SUSD1: variants seen among roughly 807,000 people sequenced by gnomAD.
SUSD1 encodes sushi domain containing 1, also known as sushi domain-containing protein 1.
SUSD1 carries 65 observed loss-of-function variants against 86.9 expected under a neutral mutation model. The observed-to-expected ratio is 0.75, with a 90% CI of 0.61 to 0.92. The LOEUF (loss-of-function observed/expected upper bound fraction) is 0.92. Ranked by LOEUF, SUSD1 falls within the 40% of genes least tolerant of loss-of-function variation. SUSD1 has a pLI of 0.00. For synonymous variants in SUSD1, 346 were observed against 350.0 expected (o/e 0.99, Z 0.13); for missense variants, 850 against 929.7 (o/e 0.91, Z 1.11).
chr9:112,099,015 TTCTCTCTCTCTC>T (rs58040511), intron 9 of SUSD1, among the ~76,000 whole-genome samples: 1,861 of 145,784 alleles, frequency 0.013, 23 homozygotes, highest in African/African-American at 0.031. Flanking sequence ...GAATACTTCG[TTCTCTCTCTCTC>T]TCTCTCTCTC....
At chr9:112,058,321 T>G in intron 14 of SUSD1, 107 bp downstream of exon 14, 1 of 1,364,894 alleles carries the variant, frequency 7.3e-7, no homozygotes, top group Middle Eastern at 2.6e-4. Context: ...TTTGTGATTG[T>G]TACATGCAGT....
intron 10 of SUSD1, among the ~76,000 whole-genome samples, chr9:112,093,328 T>C (rs1235183930): frequency 1.3e-5 from 2 of 152,198 alleles, no homozygotes; most frequent in East Asian, 1.9e-4. Context: ...AAAGGCAGAC[T>C]TGCTCTCTGG....
rs1261004456 is a variant in SUSD1, at chr9:112,113,078, G to C, written c.887-210C>G. 1.3e-5 allele frequency among the ~76,000 whole-genome samples: 2 copies of C among 152,138 alleles called. No individual in the cohort carries two copies. The highest frequency in any genetic ancestry group is 4.8e-5 in the African/African-American group (2 of 41,424). On this transcript the variant is annotated intron_variant, in intron 6 of 16. Coordinates refer to ENST00000374270, the MANE Select transcript of SUSD1 (RefSeq NM_022486.5). This position sits in a 1 kb window ranked among gnomAD's most constrained non-coding sequence, Gnocchi z 4.1. ...TGAGCGTGGCCCATTACCTGACTTA[G>C]AGGGAAAGGAAAGATTCCAGCTTGG...
intron 5 of SUSD1, among the ~76,000 whole-genome samples, chr9:112,127,652 T>G (rs552255539): frequency 6.6e-6 from 1 of 152,308 alleles, no homozygotes; most frequent in South Asian, 2.1e-4. Flanking sequence ...GTGAACAAAG[T>G]GGGTAAGATT....
At chr9:112,095,682 G>A (rs574323748) in intron 10 of SUSD1, among the ~76,000 whole-genome samples, 1 of 152,202 alleles carries the variant, frequency 6.6e-6, no homozygotes, top group Non-Finnish European at 1.5e-5. Context: ...AATAATAGGA[G>A]CCTGTGGAGT....
At chr9:112,063,507 A>C in intron 12 of SUSD1, among the ~76,000 whole-genome samples, 1 of 152,224 alleles carries the variant, frequency 6.6e-6, no homozygotes, top group East Asian at 1.9e-4. Context: ...CAGAGGATAG[A>C]TGTGGTGAGT....
chr9:112,151,339 G>C, intron 2 of SUSD1, among the ~76,000 whole-genome samples: 1 of 152,106 alleles, frequency 6.6e-6, no homozygotes, highest in East Asian at 1.9e-4. Context: ...GTTCACACCT[G>C]TAATCCCAGA....
chr9:112,055,945 C>A (rs1373388191), intron 14 of SUSD1, among the ~76,000 whole-genome samples: 1 of 152,022 alleles, frequency 6.6e-6, no homozygotes, highest in African/African-American at 2.4e-5. Flanking sequence ...TATGAGGTAC[C>A]TAGAGTAGTC....
chr9:112,087,411 C>T (rs1830030846), intron 10 of SUSD1, among the ~76,000 whole-genome samples: 2 of 152,058 alleles, frequency 1.3e-5, no homozygotes, highest in East Asian at 1.9e-4. Context: ...TAACTCTTGA[C>T]CTCAAGTGAT....
At chr9:112,166,284 CG>C (rs1415580466) in intron 1 of SUSD1, among the ~76,000 whole-genome samples, 2 of 152,182 alleles carry the variant, frequency 1.3e-5, no homozygotes, top group Non-Finnish European at 2.9e-5. Flanking sequence ...CACCTGGAGA[CG>C]GAGTGACTAA....
At chr9:112,061,294 C>T (rs1828713921) in intron 13 of SUSD1, among the ~76,000 whole-genome samples, 1 of 152,148 alleles carries the variant, frequency 6.6e-6, no homozygotes, top group South Asian at 2.1e-4. Flanking sequence ...AAAGCTGCTG[C>T]CCCCCAGCTC....
intron 2 of SUSD1, among the ~76,000 whole-genome samples, chr9:112,150,002 G>T (rs1468156118): frequency 6.6e-6 from 1 of 152,188 alleles, no homozygotes; most frequent in African/African-American, 2.4e-5. Flanking sequence ...CCAGAAGCTT[G>T]CCCAGAGTGT....
rs111529958 is a variant in SUSD1, at chr9:112,157,534, A to G, written c.183T>C (p.Tyr61=). 6.2e-7 allele frequency: 1 copy of G among 1,614,122 alleles called. No homozygotes were observed. The highest frequency in any genetic ancestry group is 8.5e-7 in the Non-Finnish European group (1 of 1,179,998). Residue 61 remains tyrosine (Y), a synonymous_variant, in exon 2 of 17, where the codon TAT becomes TAC. Coordinates refer to ENST00000374270, the MANE Select transcript of SUSD1 (RefSeq NM_022486.5). ...REGKKICICN[Y]GFVGNGRTQC... ...GAGTCCTCCCGTTCCCTACAAATCC[A>G]TAGTTGCAAATACAGATCTTCTTCC...
At chr9:112,137,525 AATCTAAGTTC>A (rs1206943017) in intron 5 of SUSD1, among the ~76,000 whole-genome samples, 3 of 152,214 alleles carry the variant, frequency 2.0e-5, no homozygotes, top group African/African-American at 7.2e-5. Context: ...GGCACATTTT[AATCTAAGTTC>A]TGCATTTTAG....
At chr9:112,081,464 G>A (rs1425681835) in intron 10 of SUSD1, among the ~76,000 whole-genome samples, 1 of 152,206 alleles carries the variant, frequency 6.6e-6, no homozygotes, top group Non-Finnish European at 1.5e-5. Context: ...AACAGGAGGA[G>A]TACAGATGAT....
chr9:112,069,207 T>C (rs1829138928), intron 12 of SUSD1, among the ~76,000 whole-genome samples: 1 of 151,976 alleles, frequency 6.6e-6, no homozygotes, highest in African/African-American at 2.4e-5. Flanking sequence ...GAGAACTCTG[T>C]GGCCTTTATG....
chr9:112,070,778 C>T lies in SUSD1; in HGVS notation c.1754-7745G>A, dbSNP rs140583938. Among the ~76,000 whole-genome samples the T allele has an allele frequency of 6.8e-4, 104 of 152,130 alleles. 1 individual carries two copies. The highest frequency in any genetic ancestry group is 2.3e-3 in the African/African-American group (97 of 41,456). ...ACAGCAATTGAAATAGTAAAGTACA[C>T]GCACAGGACAGACAAACAGTGAAAA... On this transcript the variant is annotated intron_variant, in intron 12 of 16. Transcript: ENST00000374270.
chr9:112,090,414 G>C (rs1246695526), intron 10 of SUSD1, among the ~76,000 whole-genome samples: 1 of 152,170 alleles, frequency 6.6e-6, no homozygotes, highest in Non-Finnish European at 1.5e-5. Context: ...CATAGAATTT[G>C]ATGGATTCTA....
chr9:112,107,254 C>CAAAAAA (rs71382407), intron 8 of SUSD1, among the ~76,000 whole-genome samples: 12 of 65,924 alleles, frequency 1.8e-4, no homozygotes, highest in East Asian at 4.3e-4. Context: ...GACCATATCT[C>CAAAAAA]AAAAAAAAAA....
Sources: allele counts gnomAD v4.1 joint callset (sites outside exome capture counted in the v4.1 genomes callset), GRCh38; gene constraint gnomAD v4.1.1; non-coding constraint Gnocchi (gnomAD v3.1); transcripts MANE v1.5; gene names NCBI Gene and HGNC (gene_info 2026-07-23, HGNC 2026-07-21).